DOCK2: variants seen among roughly 807,000 people sequenced by gnomAD.
DOCK2 encodes dedicator of cytokinesis protein 2.
In DOCK2, 87 loss-of-function variants were observed where a neutral mutation model predicts 248.9. The observed-to-expected ratio is 0.35, with a 90% CI of 0.29 to 0.42. The LOEUF is 0.42. DOCK2 is among the 10% of genes least tolerant of loss of function. The pLI, the probability that DOCK2 is intolerant of heterozygous loss-of-function variation, is 1.00. For missense variants in DOCK2, 1,747 were observed against 2,300.2 expected, an observed-to-expected ratio of 0.76 and a Z score of 4.92; for synonymous variants, 805 against 821.6, an observed-to-expected ratio of 0.98 and a Z score of 0.35.
intron 25 of DOCK2, among the ~76,000 whole-genome samples, chr5:169,788,786 T>A (rs1178034044): frequency 6.6e-6 from 1 of 152,166 alleles, no homozygotes; most frequent in Non-Finnish European, 1.5e-5. Flanking sequence ...AGGAGTACAA[T>A]TGTAGATTCA....
At chr5:169,982,970 T>C in intron 27 of DOCK2, 98 bp from the exon 28 acceptor site, 1 of 1,189,238 alleles carries the variant, frequency 8.4e-7, no homozygotes, top group Non-Finnish European at 1.2e-6. Flanking sequence ...CAGTAAATAC[T>C]TTATTGATGA....
rs1263248619 is a variant in DOCK2, at chr5:169,934,586, C to T, written c.2800-48482C>T. 6.6e-6 allele frequency: 3 copies of T among 454,572 alleles called. No individual in the cohort carries two copies. In the Admixed American group the frequency reaches 7.1e-5, roughly 11 times the overall value. The allele number at this position is 454,572 out of a possible 1,614,324, so 28.2% of individuals were successfully genotyped here. ...ACCTGGATCTAAATCCTGCTCTTTG[C>T]TTCCAGGCTGTCTGACCTTGGGCAA... On this transcript the variant is annotated intron_variant, in intron 27 of 51. Transcript: ENST00000520908.
rs1757154618 is a variant in DOCK2, at chr5:170,056,992, A to G, written c.4380+224A>G. ...TAATACAGAACCCAGGCCTCATGTC[A>G]GAGGCACTTTTTCAACCACAGGGCA... On this transcript the variant is annotated intron_variant, in intron 43 of 51. Coordinates refer to ENST00000520908, the MANE Select transcript of DOCK2 (RefSeq NM_004946.3). 1.6e-5 allele frequency: 8 copies of G among 511,852 alleles called. No individual in the cohort carries two copies. In the South Asian group the frequency reaches 1.8e-4, roughly 12 times the overall value. The allele number at this position is 511,852 out of a possible 1,614,324, so 31.7% of individuals were successfully genotyped here. A position where few individuals can be genotyped will look rare whatever the true frequency, so the allele number is the denominator to read the frequency against.
At chr5:170,074,174 A>C (rs754429723) in intron 46 of DOCK2, among the ~76,000 whole-genome samples, 39 of 152,158 alleles carry the variant, frequency 2.6e-4, no homozygotes, top group Non-Finnish European at 4.9e-4. Flanking sequence ...TTCATGAATG[A>C]AGGATCTTTT....
At chr5:169,831,755 G>C (rs565460613) in intron 26 of DOCK2, among the ~76,000 whole-genome samples, 1 of 152,218 alleles carries the variant, frequency 6.6e-6, no homozygotes, top group Non-Finnish European at 1.5e-5. Context: ...TTAGCTCTCA[G>C]TGTTGGAATT....
intron 45 of DOCK2, 123 bp from the exon 46 acceptor site, chr5:170,069,014 C>T (rs1045632964): frequency 4.5e-5 from 35 of 776,776 alleles, no homozygotes; most frequent in Non-Finnish European, 6.7e-5. Flanking sequence ...ACTCTTGTTC[C>T]ATCCACATGC....
At chr5:169,851,071 C>A (rs932263064) in intron 27 of DOCK2, among the ~76,000 whole-genome samples, 90 of 152,176 alleles carry the variant, frequency 5.9e-4, no homozygotes, top group African/African-American at 1.9e-3. Flanking sequence ...TGGGAAGGGA[C>A]CACTTCCTTT....
chr5:169,754,319 G>A (rs1764073969), intron 23 of DOCK2, among the ~76,000 whole-genome samples: 1 of 152,092 alleles, frequency 6.6e-6, no homozygotes, highest in South Asian at 2.1e-4. Flanking sequence ...TTTACCTCTG[G>A]GACAGTAAAA....
Position 170,067,638 on chromosome 5 carries a change from C to A in DOCK2, c.4596C>A (p.Asn1532Lys). 6.2e-7 allele frequency: 1 copy of A among 1,614,150 alleles called. No individual in the cohort carries two copies. The highest frequency in any genetic ancestry group is 8.5e-7 in the Non-Finnish European group (1 of 1,180,012). Residue 1532 changes from asparagine to lysine, a missense_variant, in exon 45 of 52, where the codon AAC becomes AAA. Asn to Lys is a moderately conservative substitution (Grantham distance 94). Transcript: ENST00000520908. Reference protein sequence around the residue: ...LPINPLSMLLNGIVDPAVMGG... With the variant: ...LPINPLSMLLKGIVDPAVMGG... ...TCAACCCACTCTCCATGCTCCTGAA[C>A]GGGATTGTGGACCCTGCTGTCATGG... is the stretch of plus-strand genomic sequence containing the variant.
intron 30 of DOCK2, among the ~76,000 whole-genome samples, chr5:170,001,787 G>A (rs888605890): frequency 6.6e-6 from 1 of 152,194 alleles, no homozygotes; most frequent in African/African-American, 2.4e-5. Context: ...CAGTAGAGGA[G>A]ACAGAAAATA....
intron 2 of DOCK2, among the ~76,000 whole-genome samples, chr5:169,662,041 CT>C (rs777533868): frequency 1.3e-5 from 2 of 152,058 alleles, no homozygotes; most frequent in Non-Finnish European, 2.9e-5. Context: ...ACTTCCATAC[CT>C]TTTTCAACAA....
At chr5:169,674,735 G>C (rs1198771820) in intron 6 of DOCK2, among the ~76,000 whole-genome samples, 2 of 152,172 alleles carry the variant, frequency 1.3e-5, no homozygotes, top group African/African-American at 2.4e-5. Context: ...AGTCATGCTG[G>C]TTCACTTTCA....
chr5:170,043,220 C>T (rs1756579734), intron 38 of DOCK2, among the ~76,000 whole-genome samples: 1 of 152,212 alleles, frequency 6.6e-6, no homozygotes, highest in African/African-American at 2.4e-5. Context: ...TCCTCTACCA[C>T]CTACTCTTCC....
chr5:169,985,565 T>C (rs1034350198), intron 28 of DOCK2, among the ~76,000 whole-genome samples: 4 of 152,188 alleles, frequency 2.6e-5, no homozygotes, highest in African/African-American at 4.8e-5. Flanking sequence ...AATGAGTACA[T>C]TTACTTCTTT....
chr5:169,697,544 G>A (rs1760706089), intron 10 of DOCK2, among the ~76,000 whole-genome samples: 1 of 152,150 alleles, frequency 6.6e-6, no homozygotes, highest in Non-Finnish European at 1.5e-5. Context: ...GGAGCCAAAG[G>A]GAAATTGCCC....
At chr5:169,676,791 C>T (rs1428849751) in intron 6 of DOCK2, among the ~76,000 whole-genome samples, 1 of 152,128 alleles carries the variant, frequency 6.6e-6, no homozygotes, top group Admixed American at 6.5e-5. Context: ...TCATTCATTC[C>T]GTTCCTTCAT....
intron 26 of DOCK2, among the ~76,000 whole-genome samples, chr5:169,815,156 C>G (rs1372285749): frequency 6.6e-6 from 1 of 152,102 alleles, no homozygotes; most frequent in Non-Finnish European, 1.5e-5. Flanking sequence ...GGGTATAGGA[C>G]TTGAGTGTCA....
chr5:169,876,097 C>T (rs942152080), intron 27 of DOCK2, among the ~76,000 whole-genome samples: 1 of 152,152 alleles, frequency 6.6e-6, no homozygotes, highest in African/African-American at 2.4e-5. Flanking sequence ...GGCTTGTGAC[C>T]ACGGCACTCT....
intron 13 of DOCK2, among the ~76,000 whole-genome samples, chr5:169,701,705 A>T (rs1760980383): frequency 6.6e-6 from 1 of 151,994 alleles, no homozygotes; most frequent in South Asian, 2.1e-4. Flanking sequence ...TTTGATACAG[A>T]CAGGGTTTTG....
Sources: gnomAD v4.1 joint callset for allele counts (sites outside exome capture counted in the v4.1 genomes callset) on GRCh38, gnomAD v4.1.1 for gene constraint, MANE v1.5 for transcripts, NCBI Gene and HGNC (gene_info 2026-07-23, HGNC 2026-07-21) for gene names.